QKI: variants seen among roughly 807,000 people sequenced by gnomAD.
QKI encodes KH domain-containing RNA-binding protein QKI.
In QKI, 10 loss-of-function variants were observed where a neutral mutation model predicts 39.0. The ratio of observed to expected loss-of-function variants is 0.26; its 90% confidence interval spans 0.16 to 0.43. The LOEUF (loss-of-function observed/expected upper bound fraction) is 0.43. Among genes scored for constraint, QKI ranks in the 20% least tolerant of loss-of-function variants. The pLI is 1.00. For missense variants in QKI, 218 were observed against 428.0 expected (o/e 0.51, Z 4.33); for synonymous variants, 204 against 155.4 (o/e 1.31, Z -2.33).
chr6:163,550,673 G>C (rs1473522383), intron 4 of QKI, among the ~76,000 whole-genome samples: 2 of 152,028 alleles, frequency 1.3e-5, no homozygotes, highest in Admixed American at 6.6e-5. Context: ...ATGGCTGGGC[G>C]TGGTGGCTGA....
intron 2 of QKI, among the ~76,000 whole-genome samples, chr6:163,463,241 A>G (rs1791475062): frequency 6.6e-6 from 1 of 152,202 alleles, no homozygotes; most frequent in Non-Finnish European, 1.5e-5. Context: ...GAGAGGCATT[A>G]TACTGTATTA....
chr6:163,569,027 A>T (rs1370024829), intron 7 of QKI: 1 of 977,940 alleles, frequency 1.0e-6, no homozygotes, highest in Non-Finnish European at 1.2e-6. Flanking sequence ...ACCATCACTT[A>T]CATAATTTGT....
intron 3 of QKI, among the ~76,000 whole-genome samples, chr6:163,512,716 T>C (rs965854411): frequency 1.3e-5 from 2 of 152,128 alleles, no homozygotes; most frequent in East Asian, 1.9e-4. Context: ...GTGTACATGG[T>C]ACATATTGTC....
intron 2 of QKI, among the ~76,000 whole-genome samples, chr6:163,471,636 G>A (rs1036254110): frequency 1.3e-5 from 2 of 152,054 alleles, no homozygotes; most frequent in Non-Finnish European, 1.5e-5. Flanking sequence ...GGGTGAACAA[G>A]CATATAACTT....
intron 2 of QKI, among the ~76,000 whole-genome samples, chr6:163,470,575 C>T (rs572576730): frequency 2.3e-4 from 35 of 152,174 alleles, no homozygotes; most frequent in African/African-American, 6.7e-4. Context: ...TAACAAAAAT[C>T]TGAAGAAACA....
chr6:163,545,024 A>G (rs1250819404), intron 4 of QKI, among the ~76,000 whole-genome samples: 1 of 152,152 alleles, frequency 6.6e-6, no homozygotes, highest in Non-Finnish European at 1.5e-5. Context: ...CTAAAATCTC[A>G]TTTAAGTGTA....
chr6:163,472,583 A>G (rs144283632), intron 2 of QKI, among the ~76,000 whole-genome samples: 3 of 152,354 alleles, frequency 2.0e-5, no homozygotes, highest in Non-Finnish European at 4.4e-5. Context: ...CAGACTTTGC[A>G]TTCTTTTTAA....
At chr6:163,428,849 A>G (rs964939996) in intron 1 of QKI, 6 of 151,846 alleles carry the variant, frequency 4.0e-5, no homozygotes, top group African/African-American at 7.3e-5. Context: ...TTGTTTCTAT[A>G]TAGAGAACCA....
intron 3 of QKI, among the ~76,000 whole-genome samples, chr6:163,498,593 T>C (rs1312858075): frequency 1.3e-5 from 2 of 151,958 alleles, no homozygotes; most frequent in African/African-American, 4.8e-5. Flanking sequence ...TTCTTATGTC[T>C]GTCTCCCTCT....
rs1382903840 is a variant in QKI at position 163,415,363 on chromosome 6, G to C, written c.142+28G>C. On this transcript the variant is annotated intron_variant, in intron 1 of 7. Transcript: ENST00000361752. ...GAGCGTCTCCAGGGCCCCGGCCCCG[G>C]CCCGACCCCCGCCGGGGCGGCCCCT... The C allele has an allele frequency of 2.0e-6, 3 of 1,508,628 alleles. No individual in the cohort carries two copies. In the South Asian group the frequency reaches 3.4e-5, roughly 17 times the overall value. The allele number at this position is 1,508,628 out of a possible 1,614,324, so 93.5% of individuals were successfully genotyped here. A position where few individuals can be genotyped will look rare whatever the true frequency, so the allele number is the denominator to read the frequency against.
At chr6:163,481,821 T>C (rs1793097003) in intron 3 of QKI, among the ~76,000 whole-genome samples, 1 of 152,192 alleles carries the variant, frequency 6.6e-6, no homozygotes, top group Non-Finnish European at 1.5e-5. Context: ...AGCTATTTTG[T>C]AAATGAAGAG....
At chr6:163,473,988 TA>T (rs1792391032) in intron 2 of QKI, among the ~76,000 whole-genome samples, 1 of 152,226 alleles carries the variant, frequency 6.6e-6, no homozygotes, top group African/African-American at 2.4e-5. Context: ...TAAATTGGTT[TA>T]ACATTTGAAG....
rs1372265022 is a variant in QKI, at chr6:163,570,819, G to A, written c.*109G>A. ...TTTGCTTGCCTGTCGTCAGTGCAGC[G>A]AGCTGAGGCACTTGTCCGTTCGTCT... On this transcript the variant is annotated 3_prime_UTR_variant, in exon 8 of 8. Transcript: ENST00000361752. The A allele has an allele frequency of 7.1e-7, 1 of 1,407,360 alleles. No homozygotes were observed. Among genetic ancestry groups the A allele is most frequent in the Non-Finnish European group, 9.7e-7 (1 of 1,032,978 alleles). 87.2% of individuals were successfully genotyped at this position (1,407,360 alleles called of 1,614,324 possible).
At chr6:163,546,018 T>G (rs1446011999) in intron 4 of QKI, among the ~76,000 whole-genome samples, 1 of 148,002 alleles carries the variant, frequency 6.8e-6, no homozygotes, top group Non-Finnish European at 1.5e-5. Context: ...GGTATAAATA[T>G]ATAATTATAT....
At chr6:163,452,385 G>A (rs920425717) in intron 1 of QKI, among the ~76,000 whole-genome samples, 20 of 152,008 alleles carry the variant, frequency 1.3e-4, no homozygotes, top group African/African-American at 4.8e-4. Context: ...ATATATCTTA[G>A]AGACTGAAAA....
intron 1 of QKI, among the ~76,000 whole-genome samples, chr6:163,432,064 C>A (rs957146854): frequency 6.6e-6 from 1 of 152,160 alleles, no homozygotes. Context: ...GCCTGATCCC[C>A]TCTAAGCAGA....
At chr6:163,417,906 C>T (rs1787660662) in intron 1 of QKI, among the ~76,000 whole-genome samples, 2 of 152,104 alleles carry the variant, frequency 1.3e-5, no homozygotes, top group Middle Eastern at 3.2e-3. Context: ...GAATAAGCGG[C>T]TTCCTGTAAT....
Position 163,574,944 on chromosome 6 carries a change from T to C in QKI, c.*4234T>C, listed in dbSNP as rs1783901176. The C allele has an allele frequency of 6.6e-6, 1 of 152,226 alleles. No homozygotes were observed. Among genetic ancestry groups the C allele is most frequent in the Non-Finnish European group, 1.5e-5 (1 of 68,042 alleles). 9.4% of individuals were successfully genotyped at this position (152,226 alleles called of 1,614,324 possible). ...CAATCAGACTGTCCAGGTATTCTCA[T>C]TTCATAAATATGTATACACACATAT... is the stretch of plus-strand genomic sequence containing the variant. On this transcript the variant is annotated 3_prime_UTR_variant, in exon 8 of 8. Transcript: ENST00000361752.
chr6:163,444,287 A>G (rs1379505411), intron 1 of QKI, among the ~76,000 whole-genome samples: 1 of 152,212 alleles, frequency 6.6e-6, no homozygotes, highest in African/African-American at 2.4e-5. Context: ...GATGTGGTCT[A>G]ATGTGCTCAT....
Sources: allele counts gnomAD v4.1 joint callset (sites outside exome capture counted in the v4.1 genomes callset), GRCh38; gene constraint gnomAD v4.1.1; transcripts MANE v1.5; gene names NCBI Gene and HGNC (gene_info 2026-07-23, HGNC 2026-07-21).